Variants in RELN observed in about 807,000 individuals in gnomAD.
RELN encodes the protein reelin.
In RELN, 108 loss-of-function variants were observed where a neutral mutation model predicts 427.6. The observed-to-expected ratio is 0.25, with a 90% CI of 0.22 to 0.30. The LOEUF is 0.30. Ranked by LOEUF, RELN falls within the 10% of genes least tolerant of loss-of-function variation. The pLI is 1.00. For synonymous variants in RELN, 1,524 were observed against 1,513.4 expected (o/e 1.01, Z -0.16); for missense variants, 3,715 against 4,302.8 (o/e 0.86, Z 3.82).
intron 2 of RELN, among the ~76,000 whole-genome samples, chr7:103,860,704 C>T (rs1222279017): frequency 6.6e-6 from 1 of 152,112 alleles, no homozygotes; most frequent in Non-Finnish European, 1.5e-5. Flanking sequence ...AGCCACCGCA[C>T]CCGGCCCCAA....
chr7:103,507,950 C>A (rs978970181), intron 51 of RELN, among the ~76,000 whole-genome samples: 1 of 152,278 alleles, frequency 6.6e-6, no homozygotes, highest in African/African-American at 2.4e-5. Flanking sequence ...TGGATAAATT[C>A]CTCGACACAT....
chr7:103,541,063 G>A (rs982537729), intron 43 of RELN, among the ~76,000 whole-genome samples: 3 of 152,156 alleles, frequency 2.0e-5, no homozygotes, highest in Non-Finnish European at 2.9e-5. Context: ...TTGTGCTGGG[G>A]CAGGGACCAT....
At position 103,603,098 on chromosome 7, in the gene RELN, T is replaced by C. The variant is rs1364253525; in HGVS notation, c.3333+206A>G. The stretch of plus-strand genomic sequence containing the variant: ...GTAGAAGTTTTAAACTGGCTTAACC[T>C]GATTTTTTAGTAACCAAAAAGAGTA... On this transcript the variant is annotated intron_variant, in intron 24 of 64. Coordinates refer to ENST00000428762, the MANE Select transcript of RELN (RefSeq NM_005045.4). This position sits in a 1 kb window ranked among gnomAD's most constrained non-coding sequence, Gnocchi z 4.3. 6.6e-6 allele frequency among the ~76,000 whole-genome samples: 1 copy of C among 152,202 alleles called. No individual in the cohort carries two copies. The highest frequency in any genetic ancestry group is 1.5e-5 in the Non-Finnish European group (1 of 68,042).
intron 1 of RELN, among the ~76,000 whole-genome samples, chr7:103,920,605 G>A (rs1476269275): frequency 3.4e-5 from 4 of 118,252 alleles, no homozygotes; most frequent in Admixed American, 3.2e-4. Flanking sequence ...AGAGAGTCTC[G>A]CTCTCTTACC....
intron 10 of RELN, among the ~76,000 whole-genome samples, chr7:103,695,821 G>T (rs1020307803): frequency 3.9e-5 from 6 of 152,028 alleles, no homozygotes; most frequent in South Asian, 2.1e-4. Context: ...CTATTCTGAC[G>T]AATGTTTTTT....
intron 1 of RELN, among the ~76,000 whole-genome samples, chr7:103,924,991 T>C (rs7789217): frequency 0.027 from 1,314 of 48,974 alleles, 69 homozygotes; most frequent in South Asian, 0.054. Flanking sequence ...CGCATACACA[T>C]ACACACACAC....
chr7:103,548,611 A>G (rs1203517517), intron 41 of RELN, among the ~76,000 whole-genome samples: 1 of 152,170 alleles, frequency 6.6e-6, no homozygotes, highest in Non-Finnish European at 1.5e-5. Context: ...TCCTTGATAC[A>G]TTTACTTTCT....
intron 2 of RELN, among the ~76,000 whole-genome samples, chr7:103,872,013 A>AAT (rs780607319): frequency 0.15 from 16,924 of 114,936 alleles, 1,095 homozygotes; most frequent in South Asian, 0.18. Flanking sequence ...ACAGTATATG[A>AAT]ATATATATAT....
intron 7 of RELN, 100 bp from the exon 8 acceptor site, chr7:103,723,291 G>T: frequency 1.4e-6 from 1 of 727,402 alleles, no homozygotes; most frequent in East Asian, 2.7e-5. Context: ...TAAAAAAGAG[G>T]AGAGAGGAAA....
chr7:103,685,056 C>T (rs939628201), intron 10 of RELN, among the ~76,000 whole-genome samples: 30 of 152,178 alleles, frequency 2.0e-4, no homozygotes, highest in Non-Finnish European at 4.4e-4. Context: ...ACTTTAAAAG[C>T]CCTCCTCCAA....
chr7:103,773,109 TTTCTTTCTTTCTTTCTTTCTTTC>T (rs1791614517), intron 4 of RELN, among the ~76,000 whole-genome samples: 1 of 37,052 alleles, frequency 2.7e-5, no homozygotes. Flanking sequence ...CTTTTCTTTC[TTTCTTTCTTTCTTTCTTTCTTTC>T]TTTCTTTCTT....
intron 64 of RELN, among the ~76,000 whole-genome samples, chr7:103,477,058 T>A (rs906481643): frequency 2.0e-5 from 3 of 152,164 alleles, no homozygotes; most frequent in African/African-American, 7.2e-5. Flanking sequence ...CCATTATGAG[T>A]AAGTAATTGA....
chr7:103,936,743 G>GAC (rs57505374), intron 1 of RELN, among the ~76,000 whole-genome samples: 1,521 of 139,754 alleles, frequency 0.011, 18 homozygotes, highest in Non-Finnish European at 0.017. Flanking sequence ...CAGACAGACA[G>GAC]ACACACACAC....
intron 10 of RELN, among the ~76,000 whole-genome samples, chr7:103,695,127 A>G (rs1017563486): frequency 1.3e-5 from 2 of 152,144 alleles, no homozygotes; most frequent in Admixed American, 6.6e-5. Flanking sequence ...GCCATCAAGT[A>G]AAGAAACAAT....
At chr7:103,530,737 C>T (rs529276106) in intron 46 of RELN, among the ~76,000 whole-genome samples, 2 of 152,228 alleles carry the variant, frequency 1.3e-5, no homozygotes, top group Non-Finnish European at 2.9e-5. Context: ...CTTTCATTTA[C>T]CCACCTAATT....
intron 2 of RELN, among the ~76,000 whole-genome samples, chr7:103,909,397 A>G (rs1477631173): frequency 1.3e-5 from 2 of 151,744 alleles, no homozygotes; most frequent in Non-Finnish European, 2.9e-5. Context: ...ACATTACCAT[A>G]AAATCTAAAA....
chr7:103,779,411 T>G (rs2116223265), intron 3 of RELN, among the ~76,000 whole-genome samples: 1 of 152,246 alleles, frequency 6.6e-6, no homozygotes, highest in South Asian at 2.1e-4. Flanking sequence ...ACTGTTATTC[T>G]AACAACTATT....
chr7:103,845,909 T>C (rs749478532), intron 2 of RELN, among the ~76,000 whole-genome samples: 14 of 112,608 alleles, frequency 1.2e-4, no homozygotes, highest in Non-Finnish European at 2.0e-4. Flanking sequence ...CGCTCATGGA[T>C]AGAAAGAATC....
In RELN at chr7:103,561,972, A is replaced by C. The variant is rs781738694; in HGVS notation, c.5211-19T>G. The stretch of plus-strand genomic sequence containing the variant: ...GGGAGAACTAACCAAAAAAAAAAAA[A>C]AAAAAACACACCACTGGTTTGACAA... On this transcript the variant is annotated intron_variant, in intron 34 of 64. Coordinates refer to ENST00000428762, the MANE Select transcript of RELN (RefSeq NM_005045.4). 59 of 1,604,722 alleles carry C rather than the reference A, an allele frequency of 3.7e-5. No homozygotes were observed. The highest frequency in any genetic ancestry group is 4.4e-5 in the Non-Finnish European group (52 of 1,175,078).
Sources: allele counts gnomAD v4.1 joint callset (sites outside exome capture counted in the v4.1 genomes callset), GRCh38; gene constraint gnomAD v4.1.1; non-coding constraint Gnocchi (gnomAD v3.1); transcripts MANE v1.5; gene names NCBI Gene and HGNC (gene_info 2026-07-23, HGNC 2026-07-21).